Variants in NHSL1 observed in about 807,000 individuals in gnomAD.
The protein encoded by NHSL1 is NHS-like protein 1.
Under a neutral mutation model 95.0 loss-of-function variants are expected in NHSL1, and 48 were observed. The observed-to-expected ratio is 0.51, with a 90% CI of 0.40 to 0.64. The LOEUF is 0.64. Ranked by LOEUF, NHSL1 falls within the 30% of genes least tolerant of loss-of-function variation. The pLI is 0.00. For synonymous variants in NHSL1, 783 were observed against 833.9 expected (o/e 0.94, Z 1.05); for missense variants, 1,971 against 2,077.7 (o/e 0.95, Z 1.00).
intron 1 of NHSL1, among the ~76,000 whole-genome samples, chr6:138,593,112 G>A (rs1201583572): frequency 6.6e-6 from 1 of 152,212 alleles, no homozygotes. Flanking sequence ...CAGAGAATCA[G>A]TAGAATTCAA....
Position 138,433,115 on chromosome 6 carries a change from G to A in NHSL1, c.1230C>T (p.Thr410=), listed in dbSNP as rs762421085. Residue 410 remains threonine (T), a synonymous_variant, in exon 6 of 8, where the codon ACC becomes ACT. Transcript: ENST00000343505. ...ACAGTGTGGCATTTGGGATGATGCT[G>A]GTGGAGTAGGTTGCATGAGGAGAAA... is the stretch of plus-strand genomic sequence containing the variant. ...CVVSPHATYS[T]SIIPNATLSS... is the part of the protein sequence containing the mutation. 2 of 1,550,636 alleles carry A rather than the reference G, an allele frequency of 1.3e-6. No individual in the cohort carries two copies. The highest frequency in any genetic ancestry group is 2.0e-5 in the Admixed American group (1 of 50,990).
chr6:138,674,693 C>T (rs1264251404), intron 1 of NHSL1, among the ~76,000 whole-genome samples: 1 of 152,158 alleles, frequency 6.6e-6, no homozygotes, highest in African/African-American at 2.4e-5. Context: ...TGTATACATG[C>T]CACATTTTCT....
chr6:138,476,238 T>C (rs1389784070), intron 2 of NHSL1, among the ~76,000 whole-genome samples: 3 of 152,134 alleles, frequency 2.0e-5, no homozygotes, highest in Admixed American at 2.0e-4. Context: ...AGCTATGGAA[T>C]CAACCTAAGT....
At position 138,431,441 on chromosome 6, in the gene NHSL1, A is replaced by T. The variant is rs923323576; in HGVS notation, c.2904T>A (p.Ser968=). 20 of 1,550,268 alleles carry T rather than the reference A, an allele frequency of 1.3e-5. No homozygotes were observed. Among genetic ancestry groups the T allele is most frequent in the Non-Finnish European group, 1.7e-5 (20 of 1,146,818 alleles). The change falls in exon 6 of 8, where the codon TCT becomes TCA. Residue 968 remains serine, a synonymous_variant. Transcript: ENST00000343505. This position sits in a 1 kb window ranked among gnomAD's most constrained non-coding sequence, Gnocchi z 4.0. ...DCSQGSPLPH[S]PVFPPPPPEA... The stretch of plus-strand genomic sequence containing the variant: ...CTGGCGGCGGAGGGGGGAACACAGG[A>T]GAGTGAGGCAGAGGAGAGCCCTGGG...
chr6:138,473,315 T>A lies in NHSL1; in HGVS notation c.330A>T (p.Thr110=). 6.5e-7 allele frequency: 1 copy of A among 1,542,836 alleles called. No individual in the cohort carries two copies. The highest frequency in any genetic ancestry group is 8.7e-7 in the Non-Finnish European group (1 of 1,143,864). The change falls in exon 3 of 8, where the codon ACA becomes ACT. Residue 110 remains threonine, a synonymous_variant. Coordinates refer to ENST00000343505, the MANE Select transcript of NHSL1 (RefSeq NM_001144060.2). ...GAACTTTGAAGCTTACCTTTTGATC[T>A]GTTTCTTCATCTTCATCTTGGTAAT... ...CDDYQDEDEE[T]DQKCSLSSSE...
intron 1 of NHSL1, among the ~76,000 whole-genome samples, chr6:138,517,113 CTT>C (rs1404138684): frequency 2.0e-5 from 3 of 152,232 alleles, no homozygotes; most frequent in Non-Finnish European, 4.4e-5. Flanking sequence ...CATGCCTACT[CTT>C]TGGCTGTATC....
At chr6:138,614,637 C>T (rs569015756) in intron 1 of NHSL1, among the ~76,000 whole-genome samples, 3 of 152,176 alleles carry the variant, frequency 2.0e-5, no homozygotes, top group Non-Finnish European at 4.4e-5. Flanking sequence ...AAATAAAATA[C>T]TCCATGTCAG....
intron 1 of NHSL1, among the ~76,000 whole-genome samples, chr6:138,534,235 T>C (rs751053145): frequency 6.6e-6 from 1 of 152,222 alleles, no homozygotes; most frequent in Non-Finnish European, 1.5e-5. Context: ...TATTAATATT[T>C]CATTCCTTTA....
intron 1 of NHSL1, among the ~76,000 whole-genome samples, chr6:138,612,216 A>C (rs548971916): frequency 7.4e-4 from 112 of 152,244 alleles, no homozygotes; most frequent in African/African-American, 1.1e-3. Context: ...AGTATCTATT[A>C]AAATTTGAAA....
At chr6:138,530,362 G>C (rs892281749) in intron 1 of NHSL1, among the ~76,000 whole-genome samples, 1 of 152,204 alleles carries the variant, frequency 6.6e-6, no homozygotes, top group African/African-American at 2.4e-5. Context: ...ATGGAAAACA[G>C]TATGGAGATT....
chr6:138,616,634 G>A (rs1784582783), intron 1 of NHSL1, among the ~76,000 whole-genome samples: 1 of 152,190 alleles, frequency 6.6e-6, no homozygotes, highest in East Asian at 1.9e-4. Flanking sequence ...TTTAGCACGT[G>A]TAGGGGTGCT....
At chr6:138,524,783 C>A (rs958509424) in intron 1 of NHSL1, among the ~76,000 whole-genome samples, 1 of 151,962 alleles carries the variant, frequency 6.6e-6, no homozygotes, top group African/African-American at 2.4e-5. Flanking sequence ...ATAGGAAACA[C>A]TAGTAGAGTG....
intron 1 of NHSL1, among the ~76,000 whole-genome samples, chr6:138,554,427 C>G (rs576228828): frequency 1.3e-5 from 2 of 152,336 alleles, no homozygotes; most frequent in African/African-American, 4.8e-5. Flanking sequence ...TCTCCACCCA[C>G]AAAATCAAGA....
At chr6:138,429,580 A>G in intron 7 of NHSL1, 131 bp downstream of exon 7, 1 of 794,048 alleles carries the variant, frequency 1.3e-6, no homozygotes, top group South Asian at 2.2e-5. Flanking sequence ...CCACTAAAAA[A>G]TCAACAGTAA....
chr6:138,639,182 T>C (rs1784927460), intron 1 of NHSL1, among the ~76,000 whole-genome samples: 1 of 152,228 alleles, frequency 6.6e-6, no homozygotes. Flanking sequence ...AATTACTTCT[T>C]TTCTCTATCT....
intron 1 of NHSL1, among the ~76,000 whole-genome samples, chr6:138,624,202 C>G (rs1040167459): frequency 5.3e-5 from 8 of 152,126 alleles, no homozygotes; most frequent in Non-Finnish European, 1.5e-5. Flanking sequence ...GCATCTCCAC[C>G]TTTAACATGC....
intron 1 of NHSL1, among the ~76,000 whole-genome samples, chr6:138,527,066 G>A (rs940908790): frequency 3.3e-5 from 5 of 152,036 alleles, no homozygotes; most frequent in South Asian, 2.1e-4. Context: ...GCTTTGGGGC[G>A]TTTAAACAAG....
intron 2 of NHSL1, among the ~76,000 whole-genome samples, chr6:138,494,225 T>C (rs1355005675): frequency 1.3e-5 from 2 of 152,230 alleles, no homozygotes; most frequent in African/African-American, 2.4e-5. Context: ...TCCTCAGTAT[T>C]TTCCACATTG....
At chr6:138,568,709 T>A (rs536648007) in intron 1 of NHSL1, among the ~76,000 whole-genome samples, 26 of 152,308 alleles carry the variant, frequency 1.7e-4, no homozygotes, top group African/African-American at 6.0e-4. Flanking sequence ...TCAATATGTA[T>A]CTTGTAATTA....
Sources: gnomAD v4.1 joint callset for allele counts (sites outside exome capture counted in the v4.1 genomes callset) on GRCh38, gnomAD v4.1.1 for gene constraint, Gnocchi (gnomAD v3.1) non-coding constraint, MANE v1.5 for transcripts, NCBI Gene and HGNC (gene_info 2026-07-23, HGNC 2026-07-21) for gene names.